Variants in PRICKLE2 observed in about 807,000 individuals in gnomAD.
PRICKLE2 encodes prickle planar cell polarity protein 2.
In PRICKLE2, 21 loss-of-function variants were observed where a neutral mutation model predicts 81.4. That is an observed-to-expected ratio of 0.26 (90% confidence interval 0.18 to 0.37). PRICKLE2 has a LOEUF of 0.37. PRICKLE2 is among the 10% of genes least tolerant of loss of function. The pLI, the probability that PRICKLE2 is intolerant of heterozygous loss-of-function variation, is 1.00. For synonymous variants in PRICKLE2, 456 were observed against 421.5 expected (o/e 1.08, Z -1.00); for missense variants, 940 against 1,109.0 (o/e 0.85, Z 2.16).
intron 2 of PRICKLE2, among the ~76,000 whole-genome samples, chr3:64,253,510 G>T (rs2079479718): frequency 6.6e-6 from 1 of 152,106 alleles, no homozygotes; most frequent in Non-Finnish European, 1.5e-5. Flanking sequence ...TAAAAGATTG[G>T]CCTAAAAATA....
At chr3:64,118,090 C>T (rs983713861) in intron 7 of PRICKLE2, among the ~76,000 whole-genome samples, 7 of 152,132 alleles carry the variant, frequency 4.6e-5, no homozygotes, top group African/African-American at 1.7e-4. Flanking sequence ...CTGACAAAAA[C>T]AAGTAATGGG....
At chr3:64,170,881 AC>A (rs1389794261) in intron 2 of PRICKLE2, among the ~76,000 whole-genome samples, 1 of 152,062 alleles carries the variant, frequency 6.6e-6, no homozygotes, top group African/African-American at 2.4e-5. Flanking sequence ...TCTCAAAAAA[AC>A]AAAACAAAAC....
At chr3:64,111,540 A>G (rs1384953409) in intron 7 of PRICKLE2, among the ~76,000 whole-genome samples, 1 of 152,250 alleles carries the variant, frequency 6.6e-6, no homozygotes, top group African/African-American at 2.4e-5. Context: ...GACACTCCCC[A>G]GCTTCTAACC....
intron 2 of PRICKLE2, among the ~76,000 whole-genome samples, chr3:64,251,046 G>C (rs1471230458): frequency 6.6e-6 from 1 of 152,032 alleles, no homozygotes; most frequent in East Asian, 1.9e-4. Flanking sequence ...AGATCACGAG[G>C]GCAGGGACTT....
rs2076545408 is a variant in PRICKLE2, at chr3:64,094,639, A to C, written c.*4412T>G. ...TGTTGACTAGGCTACTATTATGAGA[A>C]AATGGAAAAAGAATCCAATTTTTTC... On this transcript the variant is annotated 3_prime_UTR_variant, in exon 8 of 8. Coordinates refer to ENST00000638394, the MANE Select transcript of PRICKLE2 (RefSeq NM_198859.4). The C allele has an allele frequency of 1.3e-5, 2 of 152,286 alleles. No homozygotes were observed. The highest frequency in any genetic ancestry group is 6.5e-5 in the Admixed American group (1 of 15,292). The allele number at this position is 152,286 out of a possible 1,614,324, so 9.4% of individuals were successfully genotyped here. A position where few individuals can be genotyped will look rare whatever the true frequency, so the allele number is the denominator to read the frequency against.
At chr3:64,255,445 G>T (rs1417632742) in intron 2 of PRICKLE2, among the ~76,000 whole-genome samples, 2 of 152,148 alleles carry the variant, frequency 1.3e-5, no homozygotes, top group African/African-American at 4.8e-5. Context: ...AGCATCTTTG[G>T]AGGGAGCAAG....
intron 1 of PRICKLE2, among the ~76,000 whole-genome samples, chr3:64,218,189 C>G (rs2078901927): frequency 6.6e-6 from 1 of 152,170 alleles, no homozygotes; most frequent in Admixed American, 6.5e-5. Context: ...CACTTCCTCC[C>G]CACCCCAGGT....
At chr3:64,142,531 G>GA (rs1305104567) in intron 7 of PRICKLE2, among the ~76,000 whole-genome samples, 1 of 152,062 alleles carries the variant, frequency 6.6e-6, no homozygotes, top group Non-Finnish European at 1.5e-5. Flanking sequence ...GGCTGGTCTT[G>GA]AACTTCTGGC....
rs1451942300 is a variant in PRICKLE2, at chr3:64,099,671, T to A, written c.1915A>T (p.Met639Leu). 6.2e-7 allele frequency: 1 copy of A among 1,614,202 alleles called. No homozygotes were observed. Among genetic ancestry groups the A allele is most frequent in the Non-Finnish European group, 8.5e-7 (1 of 1,180,044 alleles). The change falls in exon 8 of 8, where the codon ATG becomes TTG. Residue 639 changes from methionine (M) to leucine (L), a missense_variant. Transcript: ENST00000638394. The surrounding 1 kb of genome is among the most constrained non-coding windows in gnomAD (Gnocchi z 4.3). ...CCATCAAAATCAAAGCTCTGATGCA[T>A]CCTTCCGTGGGACTGCAGGTCTCTG... The part of the protein sequence containing the change: ...GYRDLQSHGR[M>L]HQSFDFDGGM...
intron 2 of PRICKLE2, among the ~76,000 whole-genome samples, chr3:64,260,708 T>C (rs1451358194): frequency 3.9e-5 from 6 of 152,338 alleles, no homozygotes; most frequent in Middle Eastern, 3.4e-3. Flanking sequence ...CGCAACCCTT[T>C]GCTCTGATTT....
chr3:64,242,024 C>T (rs934279664), intron 2 of PRICKLE2, among the ~76,000 whole-genome samples: 2 of 152,110 alleles, frequency 1.3e-5, no homozygotes, highest in Admixed American at 6.5e-5. Context: ...TATATTATTT[C>T]GCTCAGATTA....
chr3:64,150,071 C>G (rs1466961863), intron 6 of PRICKLE2, among the ~76,000 whole-genome samples: 2 of 141,928 alleles, frequency 1.4e-5, no homozygotes, highest in Non-Finnish European at 3.0e-5. Flanking sequence ...GGGCTAGAAA[C>G]AGACAACCCC....
intron 7 of PRICKLE2, among the ~76,000 whole-genome samples, chr3:64,117,381 A>G (rs939714681): frequency 6.6e-6 from 1 of 152,042 alleles, no homozygotes; most frequent in Non-Finnish European, 1.5e-5. Flanking sequence ...AATAAAAGGC[A>G]CTCCAAATAG....
chr3:64,238,000 C>A (rs2079207458), intron 2 of PRICKLE2, among the ~76,000 whole-genome samples: 1 of 152,180 alleles, frequency 6.6e-6, no homozygotes, highest in Non-Finnish European at 1.5e-5. Flanking sequence ...AGACTGTCAA[C>A]CCTCCCTGAG....
At chr3:64,172,279 C>T (rs889538320) in intron 2 of PRICKLE2, among the ~76,000 whole-genome samples, 10 of 152,228 alleles carry the variant, frequency 6.6e-5, no homozygotes, top group African/African-American at 1.7e-4. Context: ...AGATTGTCTA[C>T]GCATTTGCGT....
chr3:64,099,466 G>A lies in PRICKLE2; in HGVS notation c.2120C>T (p.Ala707Val). Residue 707 changes from alanine to valine, a missense_variant, in exon 8 of 8, where the codon GCC becomes GTC. Physicochemically the swap from Ala to Val is moderately conservative, Grantham distance 64. This residue lies in a region of PRICKLE2 where 670 missense variants were observed against 717.2 expected (regional missense o/e 0.93). Transcript: ENST00000638394. The surrounding 1 kb of genome is among the most constrained non-coding windows in gnomAD (Gnocchi z 4.3). ...GGGCCTATCTTTTAACCGGGAGATG[G>A]CCTCGCGTTCGCTGGCCAGGTGGAG... is the stretch of plus-strand genomic sequence containing the variant. The part of the protein sequence containing the change: ...NALHLASERE[A>V]ISRLKDRPPL... 1 of 1,583,988 alleles carries A rather than the reference G, an allele frequency of 6.3e-7. No individual in the cohort carries two copies. The highest frequency in any genetic ancestry group is 1.1e-5 in the South Asian group (1 of 87,668).
intron 7 of PRICKLE2, among the ~76,000 whole-genome samples, chr3:64,119,691 C>G (rs1156443383): frequency 1.3e-5 from 2 of 152,226 alleles, no homozygotes; most frequent in Non-Finnish European, 2.9e-5. Flanking sequence ...TTCAACCCAG[C>G]AATCCCATTA....
chr3:64,208,520 C>T (rs1437840643), intron 1 of PRICKLE2, among the ~76,000 whole-genome samples: 2 of 152,138 alleles, frequency 1.3e-5, no homozygotes, highest in Non-Finnish European at 2.9e-5. Context: ...AAAATCTGCT[C>T]CAAAAGATCA....
Position 64,198,603 on chromosome 3 carries a change from G to T in PRICKLE2, c.144+181C>A. ...AATGAATTAGCAATGGATCACTCCTGGCTCAATTTCATTTCCCTTCCTCAT... is the reference window on the plus strand; with the variant it reads ...AATGAATTAGCAATGGATCACTCCTTGCTCAATTTCATTTCCCTTCCTCAT... On this transcript the variant is annotated intron_variant, in intron 2 of 7. Coordinates refer to ENST00000638394, the MANE Select transcript of PRICKLE2 (RefSeq NM_198859.4). The T allele has an allele frequency of 7.3e-6, 5 of 684,566 alleles. No individual in the cohort carries two copies. The South Asian group carries it at 8.1e-5, about 11-fold the overall frequency. The allele number at this position is 684,566 out of a possible 1,614,324, so 42.4% of individuals were successfully genotyped here.
Sources: gnomAD v4.1 joint callset for allele counts (sites outside exome capture counted in the v4.1 genomes callset) on GRCh38, gnomAD v4.1.1 for gene constraint, gnomAD v4.1.1 regional missense constraint, Gnocchi (gnomAD v3.1) non-coding constraint, MANE v1.5 for transcripts, NCBI Gene and HGNC (gene_info 2026-07-23, HGNC 2026-07-21) for gene names.